The following NALCN variants were observed in gnomAD, a reference collection of about 807,000 sequenced individuals.
NALCN encodes the protein sodium leak channel NALCN.
In NALCN, 111 loss-of-function variants were observed where a neutral mutation model predicts 225.3. The observed-to-expected ratio is 0.49, with a 90% confidence interval of 0.42 to 0.58. The LOEUF (loss-of-function observed/expected upper bound fraction) is 0.58, where lower values mean the gene tolerates loss of function less well. Ranked by LOEUF, NALCN falls within the 20% of genes least tolerant of loss-of-function variation. The probability of loss-of-function intolerance (pLI) is 0.00; values close to 1 mark genes in which losing one functional copy is unlikely to be tolerated. For synonymous variants in NALCN, 764 were observed against 769.0 expected, an observed-to-expected ratio of 0.99 and a Z score of 0.11; for missense variants, 1,378 against 2,202.4, an observed-to-expected ratio of 0.63 and a Z score of 7.49.
chr13:101,139,943 CA>C (rs2036985786), intron 17 of NALCN, among the ~76,000 whole-genome samples: 1 of 152,084 alleles, frequency 6.6e-6, no homozygotes, highest in Non-Finnish European at 1.5e-5. Flanking sequence ...TTCCCTGGCC[CA>C]GGGGCACTCA....
chr13:101,124,091 G>A (rs1044970869), intron 18 of NALCN, among the ~76,000 whole-genome samples: 6 of 152,010 alleles, frequency 3.9e-5, no homozygotes, highest in Non-Finnish European at 8.8e-5. Context: ...CACTCAAGTC[G>A]GTTGCTTAGT....
At chr13:101,083,830 A>C (rs1182245034) in intron 30 of NALCN, 26 bp from the exon 31 acceptor site, 1 of 1,608,608 alleles carries the variant, frequency 6.2e-7, no homozygotes, top group Non-Finnish European at 8.5e-7. Context: ...AAAGCAGGAA[A>C]AGGCCTTTTG....
chr13:101,416,951 C>T (rs867433514), upstream of NALCN, among the ~76,000 whole-genome samples: 17 of 152,288 alleles, frequency 1.1e-4, no homozygotes, highest in Middle Eastern at 3.4e-3. Context: ...AAACCGTTCA[C>T]CTCAAGTTTC....
chr13:101,143,550 C>T (rs916282556), intron 16 of NALCN, among the ~76,000 whole-genome samples: 7 of 151,872 alleles, frequency 4.6e-5, no homozygotes, highest in Non-Finnish European at 1.0e-4. Context: ...CCACAACCTC[C>T]GCCTCCCGAG....
At chr13:101,072,894 T>C (rs1430627257) in intron 37 of NALCN, among the ~76,000 whole-genome samples, 2 of 152,220 alleles carry the variant, frequency 1.3e-5, no homozygotes, top group Non-Finnish European at 2.9e-5. Context: ...GCTCCCGAAT[T>C]GGACAGTGCA....
rs148617477 is a variant in NALCN, at chr13:101,085,771, G to T, written c.3490-1967C>A. On this transcript the variant is annotated intron_variant, in intron 30 of 43. Coordinates refer to ENST00000251127, the MANE Select transcript of NALCN (RefSeq NM_052867.4). ...ATAAATGCTGACATGCTTTAAAAAT[G>T]GTTTAAATTTTGCTTTTCATATTGA... Among the ~76,000 whole-genome samples, 249 of 152,198 alleles carry T rather than the reference G, an allele frequency of 1.6e-3. 1 individual carries two copies. The highest frequency in any genetic ancestry group is 5.8e-3 in the African/African-American group (240 of 41,544).
chr13:101,391,178 C>T (rs2047133576), intron 3 of NALCN, among the ~76,000 whole-genome samples: 1 of 151,512 alleles, frequency 6.6e-6, no homozygotes, highest in Non-Finnish European at 1.5e-5. Flanking sequence ...CAAAATGGAA[C>T]AAACAAAAAA....
intron 12 of NALCN, among the ~76,000 whole-genome samples, chr13:101,231,147 G>A (rs531163568): frequency 2.0e-4 from 30 of 151,952 alleles, no homozygotes; most frequent in Non-Finnish European, 3.4e-4. Flanking sequence ...GCCTAACAAT[G>A]CATTTCTCAA....
chr13:101,181,035 A>G (rs9582462), intron 14 of NALCN: 1 of 511,166 alleles, frequency 2.0e-6, no homozygotes, highest in African/African-American at 1.9e-5. Flanking sequence ...ATTTTGAAGC[A>G]TTTAGACTTG....
intron 7 of NALCN, among the ~76,000 whole-genome samples, chr13:101,332,103 A>G (rs977133502): frequency 2.6e-5 from 4 of 152,206 alleles, no homozygotes; most frequent in Non-Finnish European, 5.9e-5. Flanking sequence ...CGATTTAAAG[A>G]CATGGAGGAT....
intron 1 of NALCN, among the ~76,000 whole-genome samples, chr13:101,415,224 T>TATATATATATATATAC (rs1566669133): frequency 4.7e-4 from 36 of 76,766 alleles, no homozygotes; most frequent in African/African-American, 1.6e-3. Context: ...TATATATATA[T>TATATATATATATATAC]ACATACATAT....
At chr13:101,355,071 C>T (rs1353093472) in intron 6 of NALCN, among the ~76,000 whole-genome samples, 1 of 151,286 alleles carries the variant, frequency 6.6e-6, no homozygotes, top group African/African-American at 2.5e-5. Context: ...CCTCCACTAT[C>T]TCTCTCTCGT....
At chr13:101,137,343 A>C (rs652478) in intron 17 of NALCN, among the ~76,000 whole-genome samples, 11,805 of 152,172 alleles carry the variant, frequency 0.078, 648 homozygotes, top group African/African-American at 0.16. Context: ...AAAAATGAAA[A>C]CAGGCTGTGT....
chr13:101,231,469 T>C (rs866346724), intron 12 of NALCN, among the ~76,000 whole-genome samples: 2 of 152,204 alleles, frequency 1.3e-5, no homozygotes, highest in Non-Finnish European at 2.9e-5. Context: ...CTGAAGTATA[T>C]AGTGTGAAAA....
chr13:101,270,499 G>A (rs1408495961), intron 10 of NALCN, among the ~76,000 whole-genome samples: 2 of 152,060 alleles, frequency 1.3e-5, no homozygotes, highest in Non-Finnish European at 2.9e-5. Context: ...CTAATACACT[G>A]CATTTCTAAT....
At chr13:101,258,924 C>T (rs114668736) in intron 10 of NALCN, among the ~76,000 whole-genome samples, 4 of 152,250 alleles carry the variant, frequency 2.6e-5, no homozygotes, top group African/African-American at 9.6e-5. Context: ...GCTAGTAACA[C>T]AAAACAAGTA....
In NALCN at chr13:101,157,814, G is replaced by T. The variant is rs564628309; in HGVS notation, c.1840-12918C>A. On this transcript the variant is annotated intron_variant, in intron 15 of 43. Coordinates refer to ENST00000251127, the MANE Select transcript of NALCN (RefSeq NM_052867.4). ...TTGCCCAGAGCTGGAGTGCAATGGC[G>T]TGATCTCAGCTCACTACGACCTCTG... Among the ~76,000 whole-genome samples the T allele has an allele frequency of 3.3e-5, 5 of 149,764 alleles. No individual in the cohort carries two copies. In the Admixed American group the frequency reaches 3.3e-4, roughly 10 times the overall value.
upstream of NALCN, chr13:101,416,535 G>A (rs1451196993): frequency 6.6e-6 from 1 of 152,070 alleles, no homozygotes. Context: ...GGGCAGGCTG[G>A]GGGAGGGGTG....
At chr13:101,311,311 G>T (rs2044336161) in intron 7 of NALCN, among the ~76,000 whole-genome samples, 1 of 151,786 alleles carries the variant, frequency 6.6e-6, no homozygotes, top group South Asian at 2.1e-4. Flanking sequence ...TGCAAACAGG[G>T]ACAATTTGAC....
Sources: allele counts gnomAD v4.1 joint callset (sites outside exome capture counted in the v4.1 genomes callset), GRCh38; gene constraint gnomAD v4.1.1; transcripts MANE v1.5; gene names NCBI Gene and HGNC (gene_info 2026-07-23, HGNC 2026-07-21).